The following MTHFD1L variants were observed in gnomAD, a reference collection of about 807,000 sequenced individuals.
The protein encoded by MTHFD1L is methylenetetrahydrofolate dehydrogenase (NADP+ dependent) 1 like.
MTHFD1L carries 81 observed loss-of-function variants against 119.5 expected under a neutral mutation model. That is an observed-to-expected ratio of 0.68 (90% CI 0.57 to 0.82). The LOEUF (loss-of-function observed/expected upper bound fraction) is 0.82. Ranked by LOEUF, MTHFD1L falls within the 40% of genes least tolerant of loss-of-function variation. MTHFD1L has a pLI of 0.00. For missense variants in MTHFD1L, 1,125 were observed against 1,253.4 expected, an observed-to-expected ratio of 0.90 and a Z score of 1.55; for synonymous variants, 430 against 475.2, an observed-to-expected ratio of 0.90 and a Z score of 1.24.
At chr6:151,054,565 A>G (rs1285393765) in intron 26 of MTHFD1L, among the ~76,000 whole-genome samples, 1 of 152,136 alleles carries the variant, frequency 6.6e-6, no homozygotes, top group African/African-American at 2.4e-5. Flanking sequence ...TCTCTACGTC[A>G]TTACTTTAAA....
Position 151,067,752 on chromosome 6 carries a change from G to A in MTHFD1L, c.2848-24715G>A, listed in dbSNP as rs147455992. ...AATGCATATCTCCTCAACCCAGAGA[G>A]TGAAATTTCCCCACCCCAGTGACCC... On this transcript the variant is annotated intron_variant, in intron 26 of 27. Transcript: ENST00000367321. Among the ~76,000 whole-genome samples the A allele has an allele frequency of 2.8e-3, 421 of 152,374 alleles. 2 individuals carry two copies. The highest frequency in any genetic ancestry group is 9.2e-3 in the African/African-American group (383 of 41,588).
At position 151,014,949 on chromosome 6, in the gene MTHFD1L, G is replaced by A. The variant is rs759612920; in HGVS notation, c.2377G>A (p.Val793Ile). The A allele has an allele frequency of 1.2e-6, 2 of 1,614,068 alleles. No homozygotes were observed. The highest frequency in any genetic ancestry group is 1.7e-5 in the Admixed American group (1 of 60,000). Residue 793 changes from valine (V) to isoleucine (I), a missense_variant, in exon 23 of 28, where the codon GTT becomes ATT. Physicochemically the swap from Val to Ile is conservative, Grantham distance 29. Coordinates refer to ENST00000367321, the MANE Select transcript of MTHFD1L (RefSeq NM_015440.5). Reference protein sequence around the residue: ...KQIQITQLFGVPVVVALNVFK... With the variant: ...KQIQITQLFGIPVVVALNVFK... ...AATTCAGATCACTCAGCTCTTTGGG[G>A]TTCCCGTTGTGGTGGCTCTGAATGT...
intron 20 of MTHFD1L, among the ~76,000 whole-genome samples, chr6:150,995,548 T>A (rs1779704584): frequency 6.6e-6 from 1 of 151,008 alleles, no homozygotes; most frequent in Non-Finnish European, 1.5e-5. Flanking sequence ...CCGGGACATC[T>A]CAAGGACATC....
chr6:150,878,259 T>C lies in MTHFD1L; in HGVS notation c.417+433T>C, dbSNP rs112561254. ...CAAGTTTATTTCTCTCTCTCTCTCT[T>C]TTTTTTTTTGAGATGGAATTTTACT... On this transcript the variant is annotated intron_variant, in intron 4 of 27. Coordinates refer to ENST00000367321, the MANE Select transcript of MTHFD1L (RefSeq NM_015440.5). Among the ~76,000 whole-genome samples the C allele has an allele frequency of 3.6e-3, 534 of 150,296 alleles. 2 individuals carry two copies. The highest frequency in any genetic ancestry group is 7.3e-3 in the African/African-American group (302 of 41,094).
chr6:151,006,530 A>G (rs1781424259), intron 20 of MTHFD1L, among the ~76,000 whole-genome samples: 1 of 152,150 alleles, frequency 6.6e-6, no homozygotes, highest in East Asian at 1.9e-4. Context: ...ACAGGAGAAC[A>G]TGGTGACTAC....
intron 27 of MTHFD1L, among the ~76,000 whole-genome samples, chr6:151,098,425 C>T (rs1271121107): frequency 6.6e-6 from 1 of 152,032 alleles, no homozygotes. Flanking sequence ...CATTGTGTTC[C>T]GAGAAAAGGG....
chr6:150,909,783 C>G (rs1477149175), intron 8 of MTHFD1L, among the ~76,000 whole-genome samples: 3 of 152,094 alleles, frequency 2.0e-5, no homozygotes, highest in Non-Finnish European at 4.4e-5. Flanking sequence ...TAATGTAATT[C>G]TATTTAGTGT....
chr6:150,915,644 A>AG (rs1562370628), intron 8 of MTHFD1L, among the ~76,000 whole-genome samples: 1 of 152,022 alleles, frequency 6.6e-6, no homozygotes. Context: ...TCTGTTGCCC[A>AG]GGGTGGAGTG....
chr6:150,889,801 C>T (rs185207861), intron 7 of MTHFD1L, among the ~76,000 whole-genome samples: 8 of 152,256 alleles, frequency 5.3e-5, no homozygotes, highest in Admixed American at 1.3e-4. Context: ...TTGAAATAGG[C>T]ATTTCGGAAA....
At chr6:150,960,513 T>C in intron 18 of MTHFD1L, 98 bp downstream of exon 18, 2 of 1,442,216 alleles carry the variant, frequency 1.4e-6, no homozygotes, top group Non-Finnish European at 1.8e-6. Flanking sequence ...GTGAGTGTAA[T>C]GAGGATACAG....
rs371913347 is a variant in MTHFD1L, at chr6:150,937,607, A to G, written c.1393+667A>G. Among the ~76,000 whole-genome samples, 6 of 152,316 alleles carry G rather than the reference A, an allele frequency of 3.9e-5. No individual in the cohort carries two copies. In the East Asian group the frequency reaches 1.2e-3, roughly 29 times the overall value. The stretch of plus-strand genomic sequence containing the variant: ...TAACGTATCTCATAAAGTACTGATA[A>G]CGCACAGAGTGTCATGCATCGTGTA... On this transcript the variant is annotated intron_variant, in intron 12 of 27. Coordinates refer to ENST00000367321, the MANE Select transcript of MTHFD1L (RefSeq NM_015440.5).
At chr6:151,005,116 C>A (rs1482068190) in intron 20 of MTHFD1L, among the ~76,000 whole-genome samples, 1 of 152,004 alleles carries the variant, frequency 6.6e-6, no homozygotes, top group East Asian at 1.9e-4. Context: ...GAAAACCTAA[C>A]CTATAGGTTA....
chr6:150,980,388 C>T (rs1272299656), intron 20 of MTHFD1L, among the ~76,000 whole-genome samples: 1 of 152,176 alleles, frequency 6.6e-6, no homozygotes, highest in South Asian at 2.1e-4. Flanking sequence ...TCTCTTTCCA[C>T]GCTTTTGTGT....
At chr6:150,921,325 G>A (rs1237631118) in intron 9 of MTHFD1L, among the ~76,000 whole-genome samples, 5 of 152,026 alleles carry the variant, frequency 3.3e-5, no homozygotes, top group South Asian at 4.2e-4. Flanking sequence ...CTCCATGTTG[G>A]TCAGGCTGGT....
intron 10 of MTHFD1L, among the ~76,000 whole-genome samples, chr6:150,923,547 T>TC (rs1225993654): frequency 2.9e-5 from 4 of 138,510 alleles, no homozygotes; most frequent in African/African-American, 8.0e-5. Flanking sequence ...ATTTTTTCTT[T>TC]TTTTTTTTTT....
intron 20 of MTHFD1L, among the ~76,000 whole-genome samples, chr6:150,977,191 C>T (rs517181): frequency 0.54 from 82,502 of 151,946 alleles, 23,944 homozygotes; most frequent in African/African-American, 0.74. Flanking sequence ...CTAAGAATTT[C>T]AAGGGATGAT....
chr6:151,075,089 A>G (rs1350035799), intron 26 of MTHFD1L, among the ~76,000 whole-genome samples: 1 of 152,210 alleles, frequency 6.6e-6, no homozygotes, highest in East Asian at 1.9e-4. Context: ...AAAGGGAAAA[A>G]GGAACAAAGA....
rs56295974 is a variant in MTHFD1L at position 150,932,815 on chromosome 6, G to GAA, written c.1257-3989_1257-3988insAA. On this transcript the variant is annotated intron_variant, in intron 11 of 27. Coordinates refer to ENST00000367321, the MANE Select transcript of MTHFD1L (RefSeq NM_015440.5). ...GGAAGAAAGGGAGGAAGAGAGGGAG[G>GAA]GAGGAAGGAAGGAAGGAAGGAAGGA... 2.6e-3 allele frequency among the ~76,000 whole-genome samples: 355 copies of GAA among 134,908 alleles called. 5 individuals carry two copies. The highest frequency in any genetic ancestry group is 3.7e-3 in the Non-Finnish European group (231 of 63,224). 88.5% of individuals were successfully genotyped at this position (134,908 alleles called of 152,430 possible).
At chr6:151,048,675 A>G (rs1444353797) in intron 26 of MTHFD1L, among the ~76,000 whole-genome samples, 1 of 152,194 alleles carries the variant, frequency 6.6e-6, no homozygotes, top group Non-Finnish European at 1.5e-5. Flanking sequence ...TTTGGGATCA[A>G]TGTGCTAGTC....
Sources: gnomAD v4.1 joint callset for allele counts (sites outside exome capture counted in the v4.1 genomes callset) on GRCh38, gnomAD v4.1.1 for gene constraint, MANE v1.5 for transcripts, NCBI Gene and HGNC (gene_info 2026-07-23, HGNC 2026-07-21) for gene names.